The following ARB2A variants were observed in gnomAD, a reference collection of about 807,000 sequenced individuals.
ARB2A encodes the protein ARB2 cotranscriptional regulator A.
chr5:93,659,097 A>G, the ARB2A span, among the ~76,000 whole-genome samples: 2 of 152,074 alleles, frequency 1.3e-5, no homozygotes, highest in Admixed American at 6.6e-5. Context: ...CACAATTTTT[A>G]TCAAGTTCCA....
the ARB2A span, chr5:93,741,528 G>T: frequency 6.2e-7 from 1 of 1,600,346 alleles, no homozygotes; most frequent in Non-Finnish European, 8.5e-7. Flanking sequence ...TGCCTGGAAG[G>T]GGGCAGAAGT....
At chr5:93,720,428 C>T in the ARB2A span, among the ~76,000 whole-genome samples, 1 of 152,154 alleles carries the variant, frequency 6.6e-6, no homozygotes, top group Non-Finnish European at 1.5e-5. Context: ...TTAAGATCAG[C>T]TAAATCATTA....
chr5:93,724,865 C>T, the ARB2A span, among the ~76,000 whole-genome samples: 1 of 151,942 alleles, frequency 6.6e-6, no homozygotes, highest in African/African-American at 2.4e-5. Context: ...TACTCTTGCC[C>T]TTTGGGGTCA....
the ARB2A span, among the ~76,000 whole-genome samples, chr5:94,064,397 A>T: frequency 6.6e-6 from 1 of 152,230 alleles, no homozygotes; most frequent in Non-Finnish European, 1.5e-5. Flanking sequence ...CCAGAAGGCA[A>T]AGAGAAAACA....
chr5:93,701,765 G>A, the ARB2A span, among the ~76,000 whole-genome samples: 1 of 152,052 alleles, frequency 6.6e-6, no homozygotes, highest in African/African-American at 2.4e-5. Flanking sequence ...TTCAATGACT[G>A]AAACAAACTT....
chr5:93,812,103 A>C, the ARB2A span, among the ~76,000 whole-genome samples: 1 of 152,152 alleles, frequency 6.6e-6, no homozygotes, highest in Non-Finnish European at 1.5e-5. Context: ...ACCAGATGTT[A>C]AAGTTTACAA....
At chr5:93,634,125 G>A in the ARB2A span, among the ~76,000 whole-genome samples, 1 of 151,930 alleles carries the variant, frequency 6.6e-6, no homozygotes, top group Non-Finnish European at 1.5e-5. Flanking sequence ...ATTCCTGGCC[G>A]GGCGCCGTGG....
chr5:93,738,073 G>C, the ARB2A span: 13 of 306,288 alleles, frequency 4.2e-5, no homozygotes, highest in Non-Finnish European at 7.6e-5. Context: ...CCATCTATCT[G>C]ATAAGGGCTT....
chr5:93,959,053 A>G, the ARB2A span: 2 of 861,360 alleles, frequency 2.3e-6, no homozygotes, highest in Admixed American at 6.6e-5. Flanking sequence ...TGGCTGTTAC[A>G]AAGTATTAAA....
the ARB2A span, among the ~76,000 whole-genome samples, chr5:93,899,030 A>G: frequency 6.6e-6 from 1 of 152,108 alleles, no homozygotes; most frequent in Non-Finnish European, 1.5e-5. Flanking sequence ...AACATGCTAC[A>G]TAATGTTTAT....
At chr5:93,886,619 G>A in the ARB2A span, among the ~76,000 whole-genome samples, 13 of 151,700 alleles carry the variant, frequency 8.6e-5, no homozygotes, top group African/African-American at 3.1e-4. Context: ...GCAACAGTGA[G>A]ATGAGGTCAT....
the ARB2A span, among the ~76,000 whole-genome samples, chr5:93,944,365 G>A: frequency 1.2e-4 from 18 of 152,220 alleles, no homozygotes; most frequent in Admixed American, 7.9e-4. Flanking sequence ...GAAGGCTGAC[G>A]CAGAAGGATT....
chr5:93,740,447 T>C, the ARB2A span: 11 of 1,010,162 alleles, frequency 1.1e-5, no homozygotes, highest in African/African-American at 1.8e-4. Flanking sequence ...CTACTATGTA[T>C]CCTTAACTTC....
At chr5:93,899,740 T>A in the ARB2A span, among the ~76,000 whole-genome samples, 2 of 152,190 alleles carry the variant, frequency 1.3e-5, no homozygotes, top group African/African-American at 4.8e-5. Context: ...TGATTATTAC[T>A]AGGTTAAACA....
At chr5:93,799,304 A>C in the ARB2A span, among the ~76,000 whole-genome samples, 1 of 152,094 alleles carries the variant, frequency 6.6e-6, no homozygotes, top group Non-Finnish European at 1.5e-5. Flanking sequence ...TAAGTATCAA[A>C]ATATATCCCT....
chr5:93,765,858 C>G, the ARB2A span, among the ~76,000 whole-genome samples: 4 of 152,054 alleles, frequency 2.6e-5, no homozygotes, highest in African/African-American at 7.3e-5. Flanking sequence ...CAATGGAACA[C>G]AACAGAGCCC....
the ARB2A span, among the ~76,000 whole-genome samples, chr5:93,634,406 C>A: frequency 7.0e-6 from 1 of 142,390 alleles, no homozygotes; most frequent in South Asian, 2.2e-4. Flanking sequence ...CAAAAAAAAA[C>A]AAAAAACAAA....
At chr5:94,017,165 T>G in the ARB2A span, among the ~76,000 whole-genome samples, 3 of 152,210 alleles carry the variant, frequency 2.0e-5, no homozygotes, top group Admixed American at 2.0e-4. Context: ...CCGGAGTCAA[T>G]TTGTCTAATC....
At chr5:93,779,821 G>T in the ARB2A span, among the ~76,000 whole-genome samples, 16 of 152,110 alleles carry the variant, frequency 1.1e-4, no homozygotes, top group Non-Finnish European at 2.2e-4. Context: ...ATAGATTTTT[G>T]TGGTTGTAAA....
Sources: allele counts gnomAD v4.1 joint callset (sites outside exome capture counted in the v4.1 genomes callset), GRCh38; gene constraint gnomAD v4.1.1; transcripts MANE v1.5; gene names NCBI Gene and HGNC (gene_info 2026-07-23, HGNC 2026-07-21).